Variants in CLDN10 observed in about 807,000 individuals in gnomAD.
CLDN10 encodes the protein claudin 10.
Under a neutral mutation model 22.9 loss-of-function variants are expected in CLDN10, and 15 were observed. The observed-to-expected ratio is 0.65, with a 90% confidence interval of 0.44 to 1.01. CLDN10 has a LOEUF of 1.01. CLDN10 is among the 50% of genes least tolerant of loss of function. CLDN10 has a pLI of 0.00. For missense variants in CLDN10, 247 were observed against 287.8 expected (o/e 0.86, Z 1.03); for synonymous variants, 114 against 111.4 (o/e 1.02, Z -0.15).
chr13:95,545,607 AC>A (rs1223924391), intron 1 of CLDN10, among the ~76,000 whole-genome samples: 1 of 152,138 alleles, frequency 6.6e-6, no homozygotes, highest in East Asian at 1.9e-4. Flanking sequence ...GAATTAGGTA[AC>A]TTTTTTAAGG....
At chr13:95,561,075 G>T (rs987523537) in intron 3 of CLDN10, 2 of 152,176 alleles carry the variant, frequency 1.3e-5, no homozygotes, top group Non-Finnish European at 2.9e-5. Flanking sequence ...TTAAACTATG[G>T]GCTGTTGCTT....
chr13:95,483,870 G>T (rs1411360044), intron 1 of CLDN10, among the ~76,000 whole-genome samples: 1 of 152,172 alleles, frequency 6.6e-6, no homozygotes, highest in Non-Finnish European at 1.5e-5. Context: ...CCAAGGTGAT[G>T]GTATTGGGAT....
intron 1 of CLDN10, among the ~76,000 whole-genome samples, chr13:95,496,013 A>G (rs2138526929): frequency 6.6e-6 from 1 of 152,320 alleles, no homozygotes. Flanking sequence ...AATTTATCCC[A>G]AGAACAACTT....
intron 1 of CLDN10, among the ~76,000 whole-genome samples, chr13:95,490,129 T>C (rs1219603582): frequency 6.6e-6 from 1 of 152,214 alleles, no homozygotes; most frequent in East Asian, 1.9e-4. Flanking sequence ...GGCTTTATAG[T>C]ATAGTTTGAA....
intron 1 of CLDN10, among the ~76,000 whole-genome samples, chr13:95,529,787 C>T (rs2043321650): frequency 6.6e-6 from 1 of 150,494 alleles, no homozygotes; most frequent in Non-Finnish European, 1.5e-5. Context: ...GCTTTTTTTT[C>T]CCAAATAATT....
chr13:95,522,946 T>C (rs2043238317), intron 1 of CLDN10, among the ~76,000 whole-genome samples: 1 of 151,956 alleles, frequency 6.6e-6, no homozygotes, highest in South Asian at 2.1e-4. Flanking sequence ...CTTCATGTTT[T>C]TGTTTTGTCT....
At chr13:95,539,930 A>T (rs190032025) in intron 1 of CLDN10, among the ~76,000 whole-genome samples, 3 of 151,456 alleles carry the variant, frequency 2.0e-5, no homozygotes, top group African/African-American at 7.3e-5. Context: ...CGAGGTGGGC[A>T]GATCACCTAA....
At position 95,469,783 on chromosome 13, in the gene CLDN10, T is replaced by C. The variant is rs2042613544; in HGVS notation, c.214+35736T>C. Among the ~76,000 whole-genome samples the C allele has an allele frequency of 2.0e-5, 3 of 152,164 alleles. No homozygotes were observed. In the South Asian group the frequency reaches 6.2e-4, roughly 32 times the overall value. ...CACTCAAAAAATGCTTATGAGACATTTGGTGGGCTATTTGGTAAATATTGA... is the reference window on the plus strand; with the variant it reads ...CACTCAAAAAATGCTTATGAGACATCTGGTGGGCTATTTGGTAAATATTGA... On this transcript the variant is annotated intron_variant, in intron 1 of 4. Coordinates refer to the CLDN10 transcript ENST00000376873.
chr13:95,438,852 C>T (rs933812542), intron 1 of CLDN10, among the ~76,000 whole-genome samples: 15 of 151,712 alleles, frequency 9.9e-5, no homozygotes, highest in Admixed American at 7.9e-4. Context: ...GGTGGCGGGT[C>T]CCTGTAGTCC....
At chr13:95,477,156 G>T (rs182503642) in intron 1 of CLDN10, among the ~76,000 whole-genome samples, 12 of 152,170 alleles carry the variant, frequency 7.9e-5, no homozygotes, top group Admixed American at 2.6e-4. Flanking sequence ...AAGTGGGCAC[G>T]CCACGCCATG....
chr13:95,493,734 AT>A lies in CLDN10; in HGVS notation c.214+59693del, dbSNP rs574369378. 1.4e-3 allele frequency among the ~76,000 whole-genome samples: 214 copies of A among 151,940 alleles called. 1 individual carries two copies. Among genetic ancestry groups the A allele is most frequent in the Middle Eastern group, 0.014 (4 of 294 alleles). On this transcript the variant is annotated intron_variant, in intron 1 of 4. Transcript: ENST00000376873. ...GCCACCACGCCCAGCTAATTTTTGT[AT>A]TTTTTGTAGAGATGGGGTTTCATCA...
chr13:95,550,296 A>C (rs149635161), upstream of CLDN10, among the ~76,000 whole-genome samples: 1 of 152,358 alleles, frequency 6.6e-6, no homozygotes, highest in Non-Finnish European at 1.5e-5. Flanking sequence ...CATTCTTCAA[A>C]GTTCTTTCTT....
At chr13:95,444,205 C>A (rs1326265985) in intron 1 of CLDN10, among the ~76,000 whole-genome samples, 4 of 152,194 alleles carry the variant, frequency 2.6e-5, no homozygotes, top group Non-Finnish European at 5.9e-5. Flanking sequence ...ATCTTCTGAG[C>A]AAATGGTGTG....
chr13:95,497,504 G>A (rs1019832669), intron 1 of CLDN10, among the ~76,000 whole-genome samples: 3 of 152,172 alleles, frequency 2.0e-5, no homozygotes, highest in Non-Finnish European at 4.4e-5. Context: ...GGACAGACCA[G>A]CCACACAAAG....
chr13:95,488,058 T>A (rs1484609777), intron 1 of CLDN10, among the ~76,000 whole-genome samples: 1 of 151,714 alleles, frequency 6.6e-6, no homozygotes, highest in Non-Finnish European at 1.5e-5. Flanking sequence ...TGATCTCGAC[T>A]CACCACAACC....
At chr13:95,575,849 T>C (rs1010849877) in intron 3 of CLDN10, among the ~76,000 whole-genome samples, 1 of 152,154 alleles carries the variant, frequency 6.6e-6, no homozygotes, top group African/African-American at 2.4e-5. Flanking sequence ...CGTAACTCCA[T>C]CCCAAATGAA....
Position 95,579,032 on chromosome 13 carries a change from T to C in CLDN10, c.*1018T>C, listed in dbSNP as rs1310746355. On this transcript the variant is annotated 3_prime_UTR_variant, in exon 5 of 5. Coordinates refer to ENST00000299339, the MANE Select transcript of CLDN10 (RefSeq NM_006984.5). ...GAGCCAATTAAAACCTGTTTATGCCTAGTGTTCCATTATTGGAACACTAAG... is the reference window on the plus strand; with the variant it reads ...GAGCCAATTAAAACCTGTTTATGCCCAGTGTTCCATTATTGGAACACTAAG... The C allele has an allele frequency of 6.6e-6, 1 of 152,208 alleles. No homozygotes were observed. The highest frequency in any genetic ancestry group is 1.5e-5 in the Non-Finnish European group (1 of 68,022). The allele number at this position is 152,208 out of a possible 1,614,324, so 9.4% of individuals were successfully genotyped here.
rs73563357 is a variant in CLDN10, at chr13:95,498,871, A to G, written c.215-61261A>G. On this transcript the variant is annotated intron_variant, in intron 1 of 4. Transcript: ENST00000376873. ...GCAAAACTGAAACTCTGTACCCATT[A>G]AAGAACTCATTTCTGCCTCTGCCAC... Among the ~76,000 whole-genome samples, 1,054 of 152,326 alleles carry G rather than the reference A, an allele frequency of 6.9e-3. 14 individuals are homozygous for G. The highest frequency in any genetic ancestry group is 0.024 in the African/African-American group (1,010 of 41,582).
chr13:95,500,351 G>A (rs1362792428), intron 1 of CLDN10, among the ~76,000 whole-genome samples: 1 of 152,134 alleles, frequency 6.6e-6, no homozygotes, highest in African/African-American at 2.4e-5. Flanking sequence ...TTTAGCCTGA[G>A]GCCTCAATGC....
Sources: allele counts gnomAD v4.1 joint callset (sites outside exome capture counted in the v4.1 genomes callset), GRCh38; gene constraint gnomAD v4.1.1; transcripts MANE v1.5; gene names NCBI Gene and HGNC (gene_info 2026-07-23, HGNC 2026-07-21).